Variants in PYROXD2 observed in about 807,000 individuals in gnomAD.
The protein encoded by PYROXD2 is pyridine nucleotide-disulphide oxidoreductase domain 2.
Under a neutral mutation model 71.1 loss-of-function variants are expected in PYROXD2, and 69 were observed. The ratio of observed to expected loss-of-function variants is 0.97; its 90% CI spans 0.80 to 1.19. PYROXD2 has a LOEUF of 1.19. Ranked by LOEUF, PYROXD2 falls within the 50% of genes most tolerant of loss-of-function variation. PYROXD2 has a pLI of 0.00. For missense variants in PYROXD2, 745 were observed against 748.9 expected, an observed-to-expected ratio of 0.99 and a Z score of 0.06; for synonymous variants, 287 against 302.7, an observed-to-expected ratio of 0.95 and a Z score of 0.54.
At chr10:98,395,117 C>A (rs1843115717) in intron 8 of PYROXD2, 79 bp downstream of exon 8, 1 of 1,238,912 alleles carries the variant, frequency 8.1e-7, no homozygotes, top group East Asian at 2.3e-5. Flanking sequence ...GCTGTTGTTG[C>A]TGCCACTGCC....
intron 1 of PYROXD2, 121 bp from the exon 2 acceptor site, chr10:98,411,079 TC>T: frequency 7.2e-7 from 1 of 1,382,576 alleles, no homozygotes; most frequent in Non-Finnish European, 9.9e-7. Flanking sequence ...TTGGTGACCC[TC>T]CCCTCCCCTT....
chr10:98,384,917 C>G (rs776701740), intron 15 of PYROXD2, 30 bp downstream of exon 15: 2 of 1,593,174 alleles, frequency 1.3e-6, no homozygotes, highest in African/African-American at 2.7e-5. Flanking sequence ...TCCCAGTCCC[C>G]ACAGGGTAGT....
chr10:98,385,727 C>G (rs140781435), intron 14 of PYROXD2, among the ~76,000 whole-genome samples: 2 of 152,198 alleles, frequency 1.3e-5, no homozygotes. Context: ...CCCCATCCTC[C>G]TGCATAAGTG....
intron 5 of PYROXD2, among the ~76,000 whole-genome samples, chr10:98,397,780 G>A (rs890891306): frequency 3.3e-5 from 5 of 152,012 alleles, no homozygotes; most frequent in African/African-American, 1.2e-4. Flanking sequence ...TGGCTAACAC[G>A]AAGTGTCACC....
Position 98,395,279 on chromosome 10 carries a change from C to T in PYROXD2, c.702G>A (p.Trp234Ter). ...TGGCTTTTAAAGGCTCAGACTCGAA[C>T]CACTGATCCAGCACCTGGACAGCAC... Reference protein sequence around the residue: ...TAPITKVLDQWFESEPLKATL... With the variant: ...TAPITKVLDQ The change falls in exon 8 of 16, where the codon TGG becomes TGA. Residue 234 changes from tryptophan (W) to a stop codon, truncating the protein, a stop_gained. Transcript: ENST00000370575. LOFTEE classifies it high-confidence loss of function. The T allele has an allele frequency of 6.2e-7, 1 of 1,614,182 alleles. No individual in the cohort carries two copies. Among genetic ancestry groups the T allele is most frequent in the Non-Finnish European group, 8.5e-7 (1 of 1,180,046 alleles).
In PYROXD2 at chr10:98,387,290, C is replaced by T. The variant is rs758695989; in HGVS notation, c.1465G>A (p.Val489Ile). 1 of 1,613,894 alleles carries T rather than the reference C, an allele frequency of 6.2e-7. No individual in the cohort carries two copies. ...YADRVFDCIE[V>I]YAPGFKDSVV... ...GAGTCCTTGAAGCCAGGGGCATAGA[C>T]CTCGATGCAATCAAACACTGGGGTG... The change falls in exon 14 of 16, where the codon GTC (valine) becomes ATC (isoleucine). Residue 489 changes from valine to isoleucine, a missense_variant. Val to Ile is a conservative substitution (Grantham distance 29, BLOSUM62 3). Coordinates refer to ENST00000370575, the MANE Select transcript of PYROXD2 (RefSeq NM_032709.3).
intron 10 of PYROXD2, among the ~76,000 whole-genome samples, chr10:98,391,870 C>A (rs1405085768): frequency 6.6e-6 from 1 of 152,130 alleles, no homozygotes; most frequent in Non-Finnish European, 1.5e-5. Flanking sequence ...GGACCAGCCA[C>A]CACCAGCCAG....
chr10:98,400,498 A>T (rs1843358495), intron 4 of PYROXD2, among the ~76,000 whole-genome samples: 1 of 152,080 alleles, frequency 6.6e-6, no homozygotes, highest in Non-Finnish European at 1.5e-5. Context: ...TACCATACAT[A>T]CCACACATAC....
At position 98,407,600 on chromosome 10, in the gene PYROXD2, G is replaced by A. The variant is rs147109339; in HGVS notation, c.297C>T (p.Tyr99=). Reference sequence around the variant, plus strand: ...GCCCTACCTTCAGCTCCAGATCAGTGTAAATCTGCGGCCTCAGCAGGCTGA... The same window carrying A: ...GCCCTACCTTCAGCTCCAGATCAGTATAAATCTGCGGCCTCAGCAGGCTGA... The part of the protein sequence containing the change: ...YLLSLLRPQI[Y]TDLELKKHGL... Residue 99 remains tyrosine (Y), a synonymous_variant, in exon 4 of 16, where the codon TAC becomes TAT. Transcript: ENST00000370575. The A allele has an allele frequency of 7.7e-4, 1,235 of 1,613,466 alleles. 74 individuals carry two copies. Among genetic ancestry groups the A allele is most frequent in the Admixed American group, 1.6e-3 (97 of 59,974 alleles).
At chr10:98,393,507 G>A (rs954316868) in intron 8 of PYROXD2, among the ~76,000 whole-genome samples, 3 of 152,152 alleles carry the variant, frequency 2.0e-5, no homozygotes, top group Middle Eastern at 3.4e-3. Flanking sequence ...TTCTGTTTCC[G>A]ACAGAAATCC....
intron 2 of PYROXD2, chr10:98,410,692 C>A: frequency 1.8e-6 from 1 of 561,832 alleles, no homozygotes; most frequent in Non-Finnish European, 3.1e-6. Context: ...CCTCACAGGC[C>A]ATGGGGAAAC....
intron 14 of PYROXD2, among the ~76,000 whole-genome samples, chr10:98,386,569 A>G (rs1842762508): frequency 8.1e-6 from 1 of 122,966 alleles, no homozygotes; most frequent in African/African-American, 3.4e-5. Context: ...TTTTCTTTCT[A>G]GAGATAGGGT....
chr10:98,387,407 C>T (rs1842789958), intron 13 of PYROXD2, 100 bp from the exon 14 acceptor site: 3 of 759,796 alleles, frequency 3.9e-6, no homozygotes, highest in African/African-American at 3.5e-5. Flanking sequence ...TTAAATTACA[C>T]ACAGAAATGG....
In PYROXD2 at chr10:98,388,437, G is replaced by A. The variant is rs762429777; in HGVS notation, c.1364C>T (p.Ser455Phe). The A allele has an allele frequency of 1.9e-6, 3 of 1,613,458 alleles. No individual in the cohort carries two copies. The highest frequency in any genetic ancestry group is 8.5e-7 in the Non-Finnish European group (1 of 1,179,888). ...TLAPPGCHVV[S>F]LFTQYMPYTL... ...ATAGGGCATGTACTGAGTGAAGAGGGAGACTACATGGCAGCCAGGGGGAGC... is the reference window on the plus strand; with the variant it reads ...ATAGGGCATGTACTGAGTGAAGAGGAAGACTACATGGCAGCCAGGGGGAGC... The change falls in exon 13 of 16, where the codon TCC (serine) becomes TTC (phenylalanine). Residue 455 changes from serine to phenylalanine, a missense_variant. By Grantham distance (155) the Ser-to-Phe change is radical (BLOSUM62 -2). Coordinates refer to ENST00000370575, the MANE Select transcript of PYROXD2 (RefSeq NM_032709.3).
Position 98,415,120 on chromosome 10 carries a change from G to C in PYROXD2, c.16C>G (p.Arg6Gly), listed in dbSNP as rs764535970. Residue 6 changes from arginine (R) to glycine (G), a missense_variant, in exon 1 of 16, where the codon CGA becomes GGA. Arg to Gly is a moderately radical substitution (Grantham distance 125, BLOSUM62 -2). Coordinates refer to ENST00000370575, the MANE Select transcript of PYROXD2 (RefSeq NM_032709.3). MAASGRGLCKAVAASP... is the reference protein window; with the variant it reads MAASGGGLCKAVAASP... ...GCGGCCACAGCCTTGCAGAGACCTC[G>C]GCCACTTGCAGCCATTTCTGCCCCA... The C allele has an allele frequency of 4.3e-6, 7 of 1,613,066 alleles. No homozygotes were observed. Among genetic ancestry groups the C allele is most frequent in the African/African-American group, 1.3e-5 (1 of 74,934 alleles).
Position 98,415,152 on chromosome 10 carries a change from G to C in PYROXD2, c.-17C>G, listed in dbSNP as rs778744372. On this transcript the variant is annotated 5_prime_UTR_variant, in exon 1 of 16. Transcript: ENST00000370575. ...TGCAGCCATTTCTGCCCCAGGCTGG[G>C]CCTTGCTAGGCAGGGAGTTTGCTAG... is the stretch of plus-strand genomic sequence containing the variant. The C allele has an allele frequency of 6.2e-7, 1 of 1,609,880 alleles. No individual in the cohort carries two copies.
rs1376684250 is a variant in PYROXD2, at chr10:98,401,252, T to TC, written c.316-996dup. Among the ~76,000 whole-genome samples, 351 of 52,486 alleles carry TC rather than the reference T, an allele frequency of 6.7e-3. 3 individuals carry two copies. The highest frequency in any genetic ancestry group is 0.053 in the African/African-American group (338 of 6,400). The allele number at this position is 52,486 out of a possible 152,430, so 34.4% of individuals were successfully genotyped here. A position where few individuals can be genotyped will look rare whatever the true frequency, so the allele number is the denominator to read the frequency against. Reference sequence around the variant, plus strand: ...CTGGGTGACAAAGCAAGACTCTGTCTCAAAAAAAAAAAAACAAAAAAAAAC... The same window carrying TC: ...CTGGGTGACAAAGCAAGACTCTGTCTCCAAAAAAAAAAAAACAAAAAAAAAC... On this transcript the variant is annotated intron_variant, in intron 4 of 15. Transcript: ENST00000370575.
intron 9 of PYROXD2, 35 bp from the exon 10 acceptor site, chr10:98,392,601 A>G (rs7098680): frequency 0.026 from 42,133 of 1,604,732 alleles, 1,380 homozygotes; most frequent in Admixed American, 0.14. Context: ...CAGAAACCGC[A>G]GGAAGGGAAA....
chr10:98,383,827 C>T lies in PYROXD2; in HGVS notation c.1717G>A (p.Val573Met), dbSNP rs748051294. Residue 573 changes from valine (V) to methionine (M), a missense_variant, in exon 16 of 16, where the codon GTG becomes ATG. Transcript: ENST00000370575. ...MGAAGRNAAH[V>M]AFRDLKSM ...ATGCTCTTGAGGTCCCTAAAGGCCA[C>T]ATGTGCTGCATTTCGCCCAGCAGCT... 3 of 1,614,030 alleles carry T rather than the reference C, an allele frequency of 1.9e-6. No homozygotes were observed. The South Asian group carries it at 3.3e-5, about 18-fold the overall frequency.
Sources: gnomAD v4.1 joint callset for allele counts (sites outside exome capture counted in the v4.1 genomes callset) on GRCh38, gnomAD v4.1.1 for gene constraint, MANE v1.5 for transcripts, NCBI Gene and HGNC (gene_info 2026-07-23, HGNC 2026-07-21) for gene names.